TEX264: variants seen among roughly 807,000 people sequenced by gnomAD.
The protein encoded by TEX264 is testis expressed 264, ER-phagy receptor, also known as testis-expressed protein 264.
Under a neutral mutation model 23.4 loss-of-function variants are expected in TEX264, and 13 were observed. The observed-to-expected ratio is 0.56, with a 90% CI of 0.36 to 0.88. The LOEUF is 0.88. Among genes scored for constraint, TEX264 ranks in the 40% least tolerant of loss-of-function variants. The probability of loss-of-function intolerance (pLI) is 0.01; values close to 1 mark genes in which losing one functional copy is unlikely to be tolerated. For synonymous variants in TEX264, 159 were observed against 170.0 expected (o/e 0.94, Z 0.50); for missense variants, 340 against 406.8 (o/e 0.84, Z 1.41).
At chr3:51,687,180 C>T (rs1274916828) in intron 3 of TEX264, among the ~76,000 whole-genome samples, 1 of 152,138 alleles carries the variant, frequency 6.6e-6, no homozygotes, top group Non-Finnish European at 1.5e-5. Context: ...TGGCCATCAG[C>T]GGGGAGAGTA....
chr3:51,700,423 G>C (rs1043970195), intron 4 of TEX264, among the ~76,000 whole-genome samples: 1 of 151,988 alleles, frequency 6.6e-6, no homozygotes, highest in African/African-American at 2.4e-5. Context: ...GCTAGGGCTG[G>C]GTAGGAGGGT....
chr3:51,678,463 A>G (rs111617291), intron 2 of TEX264, among the ~76,000 whole-genome samples: 209 of 152,302 alleles, frequency 1.4e-3, no homozygotes, highest in African/African-American at 4.6e-3. Context: ...GCTTGCTTAT[A>G]TGGGGAGCCT....
At chr3:51,690,119 C>T (rs62259682) in intron 3 of TEX264, among the ~76,000 whole-genome samples, 3,031 of 152,286 alleles carry the variant, frequency 0.02, 50 homozygotes, top group Non-Finnish European at 0.033. Flanking sequence ...GGCACAGAAC[C>T]GCTTGTGTTT....
chr3:51,678,065 G>A (rs960758994), intron 2 of TEX264, among the ~76,000 whole-genome samples: 2 of 152,162 alleles, frequency 1.3e-5, no homozygotes, highest in Admixed American at 6.5e-5. Context: ...TCACATGTAG[G>A]CGGATGTCAG....
chr3:51,688,365 G>A (rs1337829964), intron 3 of TEX264, among the ~76,000 whole-genome samples: 1 of 152,234 alleles, frequency 6.6e-6, no homozygotes, highest in Non-Finnish European at 1.5e-5. Flanking sequence ...CCAGGACTGA[G>A]GGATGGGCCT....
chr3:51,695,272 C>T (rs1007266382), intron 3 of TEX264, among the ~76,000 whole-genome samples: 1 of 152,240 alleles, frequency 6.6e-6, no homozygotes, highest in African/African-American at 2.4e-5. Flanking sequence ...GACCTCATCC[C>T]TTGCTGGGCC....
intron 2 of TEX264, among the ~76,000 whole-genome samples, chr3:51,676,690 A>G (rs1415125545): frequency 6.6e-6 from 1 of 152,198 alleles, no homozygotes; most frequent in Non-Finnish European, 1.5e-5. Flanking sequence ...TAGTAGACTG[A>G]GAAGAGTTAA....
At chr3:51,702,789 G>A (rs1405666572) in intron 4 of TEX264, among the ~76,000 whole-genome samples, 22 of 152,222 alleles carry the variant, frequency 1.4e-4, no homozygotes, top group Admixed American at 1.4e-3. Flanking sequence ...TCTGATCCAG[G>A]GAGATGAACC....
At chr3:51,699,692 G>A in intron 4 of TEX264, 118 bp downstream of exon 4, 1 of 1,234,276 alleles carries the variant, frequency 8.1e-7, no homozygotes, top group Non-Finnish European at 1.1e-6. Context: ...GTCAGGCTAT[G>A]CTTGGCAGAG....
chr3:51,693,983 TTTCTTTCC>T lies in TEX264; in HGVS notation c.481-5419_481-5412del, dbSNP rs1324199359. Among the ~76,000 whole-genome samples the T allele has an allele frequency of 2.2e-3, 320 of 148,242 alleles. 1 individual carries two copies. Among genetic ancestry groups the T allele is most frequent in the Non-Finnish European group, 2.7e-3 (183 of 67,170 alleles). On this transcript the variant is annotated intron_variant, in intron 3 of 4. Transcript: ENST00000341333. ...TTTTGAGATCATCTATTCTAATCCC[TTTCTTTCC>T]TTCCTTCCTTCCTTCCTTCCTTCCT...
chr3:51,687,959 A>G (rs1464660961), intron 3 of TEX264, among the ~76,000 whole-genome samples: 2 of 152,194 alleles, frequency 1.3e-5, no homozygotes, highest in African/African-American at 4.8e-5. Flanking sequence ...CTCTCTGGCT[A>G]GCCTTCCCCA....
chr3:51,673,975 C>T (rs1462765720), intron 1 of TEX264, among the ~76,000 whole-genome samples: 2 of 152,192 alleles, frequency 1.3e-5, no homozygotes, highest in African/African-American at 4.8e-5. Context: ...TGAATCACTC[C>T]TGTGCCCCTC....
chr3:51,680,251 G>A (rs889770446), intron 2 of TEX264, among the ~76,000 whole-genome samples: 12 of 152,286 alleles, frequency 7.9e-5, no homozygotes, highest in Admixed American at 3.9e-4. Flanking sequence ...GGTCTGGGCC[G>A]CTGACACCAT....
intron 2 of TEX264, among the ~76,000 whole-genome samples, chr3:51,679,383 C>T (rs1404278534): frequency 6.6e-6 from 1 of 152,218 alleles, no homozygotes; most frequent in African/African-American, 2.4e-5. Context: ...GCCTGCCTCT[C>T]TGGTTTAGTC....
intron 3 of TEX264, among the ~76,000 whole-genome samples, chr3:51,695,828 G>C (rs548296841): frequency 4.6e-5 from 7 of 152,340 alleles, no homozygotes; most frequent in Admixed American, 1.3e-4. Flanking sequence ...TGAGTAAGCA[G>C]GTGTTGGTGC....
intron 4 of TEX264, among the ~76,000 whole-genome samples, chr3:51,702,879 A>G (rs1285786354): frequency 6.6e-6 from 1 of 152,136 alleles, no homozygotes; most frequent in Non-Finnish European, 1.5e-5. Context: ...GCAGGTTAGA[A>G]GGAGTTTGGG....
intron 2 of TEX264, among the ~76,000 whole-genome samples, chr3:51,680,833 C>T (rs937476166): frequency 6.6e-6 from 1 of 152,210 alleles, no homozygotes; most frequent in African/African-American, 2.4e-5. Context: ...CCCATCAGGA[C>T]ATCCCAACCT....
chr3:51,688,525 C>A (rs1327568176), intron 3 of TEX264, among the ~76,000 whole-genome samples: 4 of 152,204 alleles, frequency 2.6e-5, no homozygotes, highest in African/African-American at 9.6e-5. Context: ...CGTCCAGAAT[C>A]TTTTTCAAAA....
At chr3:51,675,147 C>CT (rs1381693873) in intron 2 of TEX264, among the ~76,000 whole-genome samples, 1 of 152,220 alleles carries the variant, frequency 6.6e-6, no homozygotes, top group Non-Finnish European at 1.5e-5. Flanking sequence ...GCCAAGGGGG[C>CT]TAGTGGAGCC....
Sources: allele counts gnomAD v4.1 joint callset (sites outside exome capture counted in the v4.1 genomes callset), GRCh38; gene constraint gnomAD v4.1.1; transcripts MANE v1.5; gene names NCBI Gene and HGNC (gene_info 2026-07-23, HGNC 2026-07-21).